Variants in LPAR1 observed in about 807,000 individuals in gnomAD.
LPAR1 encodes LPA receptor 1.
In LPAR1, 5 loss-of-function variants were observed where a neutral mutation model predicts 23.8. The ratio of observed to expected loss-of-function variants is 0.21; its 90% confidence interval spans 0.11 to 0.44. LPAR1 has a LOEUF of 0.44. Among genes scored for constraint, LPAR1 ranks in the 20% least tolerant of loss-of-function variants. The probability of loss-of-function intolerance (pLI) is 0.99; values close to 1 mark genes in which losing one functional copy is unlikely to be tolerated. For synonymous variants in LPAR1, 160 were observed against 164.7 expected (o/e 0.97, Z 0.22); for missense variants, 311 against 482.8 (o/e 0.64, Z 3.33).
rs537910203 is a variant in LPAR1 at position 110,979,900 on chromosome 9, A to C, written c.-181-6342T>G. ...TAAGCAAAAAGACTCAAGAAGTAGT[A>C]TATCAAGAGGAGATTTGGATAACCA... On this transcript the variant is annotated intron_variant, in intron 2 of 5. Coordinates refer to ENST00000683809, the MANE Select transcript of LPAR1 (RefSeq NM_001351411.2). Among the ~76,000 whole-genome samples the C allele has an allele frequency of 3.3e-5, 5 of 152,296 alleles. No homozygotes were observed. The South Asian group carries it at 1.0e-3, about 32-fold the overall frequency.
At chr9:110,922,640 T>G (rs1349290693) in intron 5 of LPAR1, among the ~76,000 whole-genome samples, 1 of 152,018 alleles carries the variant, frequency 6.6e-6, no homozygotes, top group Admixed American at 6.6e-5. Flanking sequence ...TTAAGTTGAT[T>G]TAATAAATGA....
chr9:110,974,120 C>G (rs2096494977), intron 2 of LPAR1, among the ~76,000 whole-genome samples: 1 of 151,684 alleles, frequency 6.6e-6, no homozygotes, highest in African/African-American at 2.4e-5. Context: ...GATCGTGCCA[C>G]TGCACTCCAG....
At chr9:110,975,125 C>A (rs994239101) in intron 2 of LPAR1, among the ~76,000 whole-genome samples, 5 of 152,128 alleles carry the variant, frequency 3.3e-5, no homozygotes, top group African/African-American at 1.2e-4. Flanking sequence ...AGGACGCATA[C>A]TATATGCTCA....
intron 5 of LPAR1, among the ~76,000 whole-genome samples, chr9:110,912,568 G>A (rs1013332154): frequency 1.3e-5 from 2 of 152,094 alleles, no homozygotes; most frequent in Non-Finnish European, 2.9e-5. Flanking sequence ...TCAGACATTC[G>A]TCATTCTGGG....
chr9:111,007,583 C>T (rs2097245889), intron 2 of LPAR1, among the ~76,000 whole-genome samples: 1 of 151,884 alleles, frequency 6.6e-6, no homozygotes, highest in Admixed American at 6.6e-5. Flanking sequence ...TGCCATTGCC[C>T]CCAACACATT....
chr9:110,949,631 C>A (rs1195273849), intron 4 of LPAR1, among the ~76,000 whole-genome samples: 3 of 152,066 alleles, frequency 2.0e-5, no homozygotes, highest in Non-Finnish European at 4.4e-5. Flanking sequence ...ATTTGGTTAC[C>A]CCATAAGAAG....
intron 2 of LPAR1, among the ~76,000 whole-genome samples, chr9:110,995,832 C>T (rs925199200): frequency 4.6e-5 from 7 of 152,210 alleles, no homozygotes; most frequent in Non-Finnish European, 1.5e-5. Flanking sequence ...GGGGGGTCCC[C>T]TCTCTAACTT....
chr9:110,956,341 A>G (rs2136995360), intron 4 of LPAR1, among the ~76,000 whole-genome samples: 1 of 152,250 alleles, frequency 6.6e-6, no homozygotes, highest in Admixed American at 6.5e-5. Flanking sequence ...TACCTATGTA[A>G]CAAAACTGCA....
At chr9:110,920,070 C>T (rs911588528) in intron 5 of LPAR1, among the ~76,000 whole-genome samples, 10 of 152,282 alleles carry the variant, frequency 6.6e-5, no homozygotes, top group African/African-American at 2.4e-4. Flanking sequence ...CAAAACACAG[C>T]CAAAGGCCAG....
chr9:110,895,304 G>C (rs891698923), intron 5 of LPAR1, among the ~76,000 whole-genome samples: 2 of 152,194 alleles, frequency 1.3e-5, no homozygotes, highest in African/African-American at 2.4e-5. Context: ...GAGTTGCATA[G>C]CCAGAACAGC....
chr9:110,935,055 T>C (rs1003562685), intron 5 of LPAR1, among the ~76,000 whole-genome samples: 6 of 152,146 alleles, frequency 3.9e-5, no homozygotes, highest in African/African-American at 9.7e-5. Flanking sequence ...AGATTACCAA[T>C]TGGTTATAAG....
At chr9:111,032,548 A>G (rs372413259) in intron 2 of LPAR1, among the ~76,000 whole-genome samples, 2 of 151,550 alleles carry the variant, frequency 1.3e-5, no homozygotes, top group East Asian at 1.9e-4. Flanking sequence ...GATGGGGGGA[A>G]AAAAAGTTTC....
rs201011643 is a variant in LPAR1 at position 110,973,323 on chromosome 9, A to G, written c.-104+158T>C. ...GAAAAAATTGAGGCTTAGAGAAGAA[A>G]AGGGACTAGAGTCACACATTTAATG... On this transcript the variant is annotated intron_variant, in intron 3 of 5. Transcript: ENST00000683809. Among the ~76,000 whole-genome samples, 31 of 152,286 alleles carry G rather than the reference A, an allele frequency of 2.0e-4. No homozygotes were observed. In the East Asian group the frequency reaches 4.2e-3, roughly 21 times the overall value.
rs181065970 is a variant in LPAR1, at chr9:110,883,917, G to A, written c.794-8195C>T. 4.3e-3 allele frequency among the ~76,000 whole-genome samples: 635 copies of A among 148,484 alleles called. 6 individuals are homozygous for A. The highest frequency in any genetic ancestry group is 0.01 in the Middle Eastern group (3 of 288). ...TAGGTGGCACATTGTTTCTTCTAAC[G>A]TACATCTTTTTTTTGGAATCTCTTT... On this transcript the variant is annotated intron_variant, in intron 5 of 5. Coordinates refer to ENST00000683809, the MANE Select transcript of LPAR1 (RefSeq NM_001351411.2).
chr9:110,914,370 G>A (rs1392850764), intron 5 of LPAR1, among the ~76,000 whole-genome samples: 5 of 152,210 alleles, frequency 3.3e-5, no homozygotes, highest in African/African-American at 1.2e-4. Flanking sequence ...ATGGCGGCAA[G>A]CAAGAGGGAG....
chr9:110,956,236 G>A (rs1165359392), intron 4 of LPAR1, among the ~76,000 whole-genome samples: 4 of 151,318 alleles, frequency 2.6e-5, no homozygotes, highest in African/African-American at 9.7e-5. Context: ...GGGGCCTGTC[G>A]GGGGGTTGGG....
chr9:111,005,454 G>A (rs2097198451), intron 2 of LPAR1, among the ~76,000 whole-genome samples: 1 of 145,852 alleles, frequency 6.9e-6, no homozygotes, highest in Admixed American at 7.0e-5. Context: ...AGGCTGAGGT[G>A]AGAGAATTAC....
chr9:111,017,900 T>C (rs1049720185), intron 2 of LPAR1, among the ~76,000 whole-genome samples: 8 of 152,068 alleles, frequency 5.3e-5, no homozygotes, highest in African/African-American at 1.9e-4. Flanking sequence ...CTGCCTGTAG[T>C]CCCAGCTACT....
intron 5 of LPAR1, among the ~76,000 whole-genome samples, chr9:110,921,556 G>A (rs1371134635): frequency 1.3e-5 from 2 of 152,134 alleles, no homozygotes; most frequent in African/African-American, 4.8e-5. Flanking sequence ...GGAATCTGAA[G>A]TTTCAGGAAG....
Sources: allele counts gnomAD v4.1 joint callset (sites outside exome capture counted in the v4.1 genomes callset), GRCh38; gene constraint gnomAD v4.1.1; transcripts MANE v1.5; gene names NCBI Gene and HGNC (gene_info 2026-07-23, HGNC 2026-07-21).